The following FUT8 variants were observed in gnomAD, a reference collection of about 807,000 sequenced individuals.
FUT8 encodes fucosyltransferase 8.
Under a neutral mutation model 71.3 loss-of-function variants are expected in FUT8, and 29 were observed. That is an observed-to-expected ratio of 0.41 (90% CI 0.30 to 0.55). The LOEUF (loss-of-function observed/expected upper bound fraction) is 0.55, where lower values mean the gene tolerates loss of function less well. Ranked by LOEUF, FUT8 falls within the 20% of genes least tolerant of loss-of-function variation. The pLI is 0.34. For synonymous variants in FUT8, 254 were observed against 239.3 expected (o/e 1.06, Z -0.57); for missense variants, 544 against 702.1 (o/e 0.77, Z 2.55).
the FUT8 span, among the ~76,000 whole-genome samples, chr14:65,374,307 G>A: frequency 1.3e-5 from 2 of 152,056 alleles, no homozygotes; most frequent in East Asian, 1.9e-4. Flanking sequence ...TTATTTTATT[G>A]GTTTATATAC....
chr14:65,706,593 C>T (rs1261918931), intron 7 of FUT8, among the ~76,000 whole-genome samples: 1 of 152,144 alleles, frequency 6.6e-6, no homozygotes, highest in Non-Finnish European at 1.5e-5. Context: ...CTGTTGGCAC[C>T]AACAGATTCA....
At chr14:65,493,822 G>A (rs1436927613) in intron 2 of FUT8, among the ~76,000 whole-genome samples, 1 of 151,752 alleles carries the variant, frequency 6.6e-6, no homozygotes, top group Non-Finnish European at 1.5e-5. Context: ...AAGTATGATA[G>A]TGTTTGGAAA....
chr14:65,542,896 C>G (rs1005276142), intron 2 of FUT8, among the ~76,000 whole-genome samples: 2 of 152,142 alleles, frequency 1.3e-5, no homozygotes, highest in Admixed American at 1.3e-4. Flanking sequence ...GATTATCCAG[C>G]CTCAGCCTCC....
chr14:65,612,869 T>C (rs1261426987), intron 3 of FUT8, among the ~76,000 whole-genome samples: 1 of 152,222 alleles, frequency 6.6e-6, no homozygotes, highest in Non-Finnish European at 1.5e-5. Context: ...TGGCTAGAAG[T>C]GGAAGTCTTA....
chr14:65,559,027 T>G (rs1325292752), intron 2 of FUT8, among the ~76,000 whole-genome samples: 6 of 152,196 alleles, frequency 3.9e-5, no homozygotes, highest in Non-Finnish European at 7.3e-5. Flanking sequence ...TATTTTTTGT[T>G]GTACAAATTT....
chr14:65,719,986 T>A (rs1183748853), intron 7 of FUT8, among the ~76,000 whole-genome samples: 1 of 152,178 alleles, frequency 6.6e-6, no homozygotes, highest in African/African-American at 2.4e-5. Context: ...GGCTCAAAGT[T>A]CTAGGGCTCT....
chr14:65,357,760 T>C, the FUT8 span, among the ~76,000 whole-genome samples: 1 of 152,308 alleles, frequency 6.6e-6, no homozygotes, highest in East Asian at 1.9e-4. Context: ...AATAGTCTCT[T>C]GATAGAGGCA....
chr14:65,394,750 C>CTTT, the FUT8 span, among the ~76,000 whole-genome samples: 3,057 of 132,516 alleles, frequency 0.023, 89 homozygotes, highest in African/African-American at 0.028. Flanking sequence ...GCAGTCAAAT[C>CTTT]TTTTTTTTTT....
chr14:65,568,745 A>G (rs1241083779), intron 3 of FUT8, among the ~76,000 whole-genome samples: 4 of 151,430 alleles, frequency 2.6e-5, no homozygotes, highest in Non-Finnish European at 5.9e-5. Flanking sequence ...TCTAGTATAT[A>G]TGTCATTTAA....
chr14:65,597,367 G>A (rs1228890745), intron 3 of FUT8, among the ~76,000 whole-genome samples: 1 of 152,304 alleles, frequency 6.6e-6, no homozygotes, highest in African/African-American at 2.4e-5. Context: ...GATGGCTCAC[G>A]CCTGTAATCC....
At chr14:65,418,276 T>C (rs1006814630) in intron 1 of FUT8, among the ~76,000 whole-genome samples, 3 of 152,222 alleles carry the variant, frequency 2.0e-5, no homozygotes, top group African/African-American at 7.2e-5. Context: ...TGTATCTGTC[T>C]AAGTCTTATT....
chr14:65,532,718 C>T (rs1368668026), intron 2 of FUT8, among the ~76,000 whole-genome samples: 1 of 152,020 alleles, frequency 6.6e-6, no homozygotes, highest in Non-Finnish European at 1.5e-5. Flanking sequence ...TTTCCCAGGT[C>T]CTATGTTCAG....
intron 2 of FUT8, among the ~76,000 whole-genome samples, chr14:65,490,021 G>A (rs1402424109): frequency 6.6e-6 from 1 of 151,968 alleles, no homozygotes; most frequent in Non-Finnish European, 1.5e-5. Flanking sequence ...TAACTATGAA[G>A]AAGTCTTCCT....
At chr14:65,500,240 A>G (rs2066624978) in intron 2 of FUT8, among the ~76,000 whole-genome samples, 1 of 152,182 alleles carries the variant, frequency 6.6e-6, no homozygotes, top group Non-Finnish European at 1.5e-5. Flanking sequence ...TCCTGCTTTC[A>G]GTATATTATA....
chr14:65,516,659 G>T (rs1882727710), intron 2 of FUT8, among the ~76,000 whole-genome samples: 1 of 151,720 alleles, frequency 6.6e-6, no homozygotes, highest in Non-Finnish European at 1.5e-5. Context: ...ATTTTACATT[G>T]AATATACAAA....
intron 1 of FUT8, among the ~76,000 whole-genome samples, chr14:65,444,912 A>G (rs1420375207): frequency 1.3e-5 from 2 of 152,144 alleles, no homozygotes; most frequent in Admixed American, 1.3e-4. Context: ...TGTTGTTATA[A>G]AAAGGGCTTG....
chr14:65,513,835 T>C lies in FUT8; in HGVS notation c.-227-47502T>C, dbSNP rs564265140. Among the ~76,000 whole-genome samples, 42 of 152,302 alleles carry C rather than the reference T, an allele frequency of 2.8e-4. 1 individual carries two copies. Among genetic ancestry groups the C allele is most frequent in the Middle Eastern group, 6.8e-3 (2 of 294 alleles). ...GGAGTGAACAGTAGTATTTAAGCCT[T>C]CTAGGGTTTGTTTTACATGCATATC... On this transcript the variant is annotated intron_variant, in intron 2 of 10. Coordinates refer to ENST00000673929, the MANE Select transcript of FUT8 (RefSeq NM_001371533.1).
rs376826324 is a variant in FUT8, at chr14:65,471,475, G to A, written c.-228+15757G>A. On this transcript the variant is annotated intron_variant, in intron 2 of 10. Transcript: ENST00000673929. ...AGATCTTTACCATGAGAACCTGGTA[G>A]GGCTCCTGGAGGTAAAACTCAGGAA... is the stretch of plus-strand genomic sequence containing the variant. 5.9e-5 allele frequency among the ~76,000 whole-genome samples: 9 copies of A among 152,130 alleles called. No homozygotes were observed. In the East Asian group the frequency reaches 1.2e-3, roughly 20 times the overall value.
intron 2 of FUT8, among the ~76,000 whole-genome samples, chr14:65,523,540 T>C (rs1394665211): frequency 6.6e-6 from 1 of 152,240 alleles, no homozygotes; most frequent in Admixed American, 6.5e-5. Context: ...TTCACTCTGA[T>C]GGTAGTTTCT....
Sources: gnomAD v4.1 joint callset for allele counts (sites outside exome capture counted in the v4.1 genomes callset) on GRCh38, gnomAD v4.1.1 for gene constraint, MANE v1.5 for transcripts, NCBI Gene and HGNC (gene_info 2026-07-23, HGNC 2026-07-21) for gene names.